The following NOX3 variants were observed in gnomAD, a reference collection of about 807,000 sequenced individuals.
NOX3 encodes the protein NADPH oxidase catalytic subunit-like 3.
In NOX3, 74 loss-of-function variants were observed where a neutral mutation model predicts 76.7. The ratio of observed to expected loss-of-function variants is 0.96; its 90% CI spans 0.80 to 1.17. NOX3 has a LOEUF of 1.17. Among genes scored for constraint, NOX3 ranks in the 50% most tolerant of loss-of-function variants. The pLI is 0.00. For missense variants in NOX3, 695 were observed against 703.3 expected (o/e 0.99, Z 0.13); for synonymous variants, 263 against 261.1 (o/e 1.01, Z -0.07).
At chr6:155,437,582 T>C (rs1378588561) in intron 6 of NOX3, among the ~76,000 whole-genome samples, 2 of 152,196 alleles carry the variant, frequency 1.3e-5, no homozygotes, top group South Asian at 4.1e-4. Context: ...CTGAGTTAGA[T>C]GAGAAAAACT....
At chr6:155,422,118 C>G (rs1349201491) in intron 10 of NOX3, among the ~76,000 whole-genome samples, 2 of 152,168 alleles carry the variant, frequency 1.3e-5, no homozygotes, top group Non-Finnish European at 2.9e-5. Context: ...GTGCCTGCTG[C>G]TGGTCCTAAG....
At position 155,428,903 on chromosome 6, in the gene NOX3, C is replaced by T. The variant is rs1354337899; in HGVS notation, c.1036G>A (p.Glu346Lys). Residue 346 changes from glutamate to lysine, a missense_variant, in exon 9 of 14, where the codon GAG becomes AAG. Glu to Lys is a moderately conservative substitution (Grantham distance 56). Transcript: ENST00000159060. Reference sequence around the variant, plus strand: ...CGGATGTGCACGCTGAAAAAGTCCTCCTGGGGGGCAGAGGTAAGGGTGAAG... The same window carrying T: ...CGGATGTGCACGCTGAAAAAGTCCTTCTGGGGGGCAGAGGTAAGGGTGAAG... ...HPFTLTSAPQ[E>K]DFFSVHIRAA... 6.2e-7 allele frequency: 1 copy of T among 1,613,782 alleles called. No individual in the cohort carries two copies. Among genetic ancestry groups the T allele is most frequent in the Non-Finnish European group, 8.5e-7 (1 of 1,179,822 alleles).
intron 12 of NOX3, among the ~76,000 whole-genome samples, chr6:155,397,879 G>A (rs1400044117): frequency 1.3e-5 from 2 of 152,148 alleles, no homozygotes; most frequent in East Asian, 1.9e-4. Flanking sequence ...TCACCCAAAC[G>A]TTGTCATCTC....
chr6:155,398,064 G>A (rs775240312), intron 12 of NOX3, among the ~76,000 whole-genome samples: 2 of 152,160 alleles, frequency 1.3e-5, no homozygotes, highest in Non-Finnish European at 2.9e-5. Context: ...GATTTTTAGA[G>A]ACCATGTCTT....
At chr6:155,425,818 G>A (rs1332637810) in intron 9 of NOX3, among the ~76,000 whole-genome samples, 1 of 152,198 alleles carries the variant, frequency 6.6e-6, no homozygotes, top group Non-Finnish European at 1.5e-5. Context: ...AGGATAGCTG[G>A]AAACTCCATC....
In NOX3 at chr6:155,453,431, C is replaced by T; in HGVS notation, c.313G>A (p.Val105Ile). The T allele has an allele frequency of 6.2e-7, 1 of 1,613,772 alleles. No individual in the cohort carries two copies. The highest frequency in any genetic ancestry group is 8.5e-7 in the Non-Finnish European group (1 of 1,179,672). Reference protein sequence around the residue: ...LDKNLRFHKLVAYGIAVNATI... With the variant: ...LDKNLRFHKLIAYGIAVNATI... ...GCATTAACAGCTATCCCATAGGCGA[C>T]CAGTTTGTGAAATCTGAGGTTTTTG... is the stretch of plus-strand genomic sequence containing the variant. The change falls in exon 4 of 14, where the codon GTC (valine) becomes ATC (isoleucine). Residue 105 changes from valine to isoleucine, a missense_variant. Transcript: ENST00000159060.
At chr6:155,410,177 T>C (rs1344980193) in intron 11 of NOX3, among the ~76,000 whole-genome samples, 1 of 152,222 alleles carries the variant, frequency 6.6e-6, no homozygotes, top group Non-Finnish European at 1.5e-5. Context: ...CCCAAAGGAT[T>C]AAATATTTAA....
chr6:155,436,623 A>C, intron 6 of NOX3, 76 bp from the exon 7 acceptor site: 1 of 1,507,340 alleles, frequency 6.6e-7, no homozygotes, highest in Non-Finnish European at 9.1e-7. Context: ...TTGTTCTCCC[A>C]CAGGTATATA....
At chr6:155,420,978 C>T (rs1242970838) in intron 10 of NOX3, among the ~76,000 whole-genome samples, 3 of 152,064 alleles carry the variant, frequency 2.0e-5, no homozygotes, top group Non-Finnish European at 2.9e-5. Flanking sequence ...CTTATTTCTC[C>T]GTTATGTGGA....
intron 10 of NOX3, among the ~76,000 whole-genome samples, chr6:155,418,308 C>T (rs938570926): frequency 6.6e-6 from 1 of 152,068 alleles, no homozygotes; most frequent in Non-Finnish European, 1.5e-5. Flanking sequence ...GACTTTATTG[C>T]TAGAGGGCAT....
At position 155,411,237 on chromosome 6, in the gene NOX3, G is replaced by C; in HGVS notation, c.1432C>G (p.Leu478Val). 6.2e-7 allele frequency: 1 copy of C among 1,613,890 alleles called. No homozygotes were observed. Among genetic ancestry groups the C allele is most frequent in the Non-Finnish European group, 8.5e-7 (1 of 1,179,890 alleles). ...KTHFLSYHIF[L>V]TGWDENQALH... The stretch of plus-strand genomic sequence containing the variant: ...ACCTGATTTTCATCCCAGCCGGTAA[G>C]AAATATATGATAACTCAGAAAGTGA... Residue 478 changes from leucine (L) to valine (V), a missense_variant, in exon 11 of 14, where the codon CTT (leucine) becomes GTT (valine). Physicochemically the swap from Leu to Val is conservative, Grantham distance 32 (BLOSUM62 1). Coordinates refer to ENST00000159060, the MANE Select transcript of NOX3 (RefSeq NM_015718.3).
chr6:155,446,332 C>T (rs889886567), intron 4 of NOX3, among the ~76,000 whole-genome samples: 1 of 152,108 alleles, frequency 6.6e-6, no homozygotes, highest in African/African-American at 2.4e-5. Context: ...CAAACATTGT[C>T]CAGTATTCCT....
chr6:155,428,692 C>A, intron 9 of NOX3, 102 bp downstream of exon 9: 1 of 1,151,892 alleles, frequency 8.7e-7, no homozygotes, highest in Non-Finnish European at 1.2e-6. Flanking sequence ...TCAAACTCAC[C>A]ATTTAATAAA....
intron 10 of NOX3, among the ~76,000 whole-genome samples, chr6:155,419,418 C>G (rs1481133897): frequency 6.6e-6 from 1 of 152,152 alleles, no homozygotes; most frequent in African/African-American, 2.4e-5. Context: ...CAAATCATCT[C>G]CGCTCGAGGT....
intron 10 of NOX3, among the ~76,000 whole-genome samples, chr6:155,414,953 C>T (rs1375316736): frequency 6.6e-6 from 1 of 152,058 alleles, no homozygotes; most frequent in Admixed American, 6.6e-5. Flanking sequence ...TAGTGGATGC[C>T]TAGATGTTTT....
At position 155,422,843 on chromosome 6, in the gene NOX3, C is replaced by T. The variant is rs369572358; in HGVS notation, c.1159G>A (p.Gly387Arg). Residue 387 changes from glycine to arginine, a missense_variant, in exon 10 of 14, where the codon GGG (glycine) becomes AGG (arginine). Gly to Arg is a moderately radical substitution (Grantham distance 125, BLOSUM62 -2). Coordinates refer to ENST00000159060, the MANE Select transcript of NOX3 (RefSeq NM_015718.3). ...PWSLPRLAVD[G>R]PFGTALTDVF... is the part of the protein sequence containing the mutation. Reference sequence around the variant, plus strand: ...TCTGTCAGGGCAGTTCCAAAGGGCCCGTCCACTGCCAGCCTGGAATCATAG... The same window carrying T: ...TCTGTCAGGGCAGTTCCAAAGGGCCTGTCCACTGCCAGCCTGGAATCATAG... The T allele has an allele frequency of 8.7e-6, 14 of 1,614,010 alleles. No individual in the cohort carries two copies. Among genetic ancestry groups the T allele is most frequent in the East Asian group, 4.5e-5 (2 of 44,900 alleles).
At chr6:155,410,851 G>A (rs1369145207) in intron 11 of NOX3, among the ~76,000 whole-genome samples, 1 of 152,172 alleles carries the variant, frequency 6.6e-6, no homozygotes, top group Non-Finnish European at 1.5e-5. Context: ...TCAAGGCACA[G>A]AAACAGAACC....
At chr6:155,455,660 T>A (rs1323743782) in intron 1 of NOX3, 93 bp downstream of exon 1, 3 of 925,204 alleles carry the variant, frequency 3.2e-6, no homozygotes, top group Admixed American at 1.9e-5. Flanking sequence ...GAGTAATACT[T>A]CAAGCTATTT....
intron 3 of NOX3, among the ~76,000 whole-genome samples, chr6:155,454,236 C>T (rs1434145009): frequency 7.9e-5 from 12 of 152,062 alleles, no homozygotes; most frequent in Admixed American, 7.9e-4. Context: ...AGGGGAAGTG[C>T]AATAAAATGA....
Sources: gnomAD v4.1 joint callset for allele counts (sites outside exome capture counted in the v4.1 genomes callset) on GRCh38, gnomAD v4.1.1 for gene constraint, MANE v1.5 for transcripts, NCBI Gene and HGNC (gene_info 2026-07-23, HGNC 2026-07-21) for gene names.